Variants in SPAG16 observed in about 807,000 individuals in gnomAD.
SPAG16 encodes the protein sperm associated antigen 16, also known as sperm-associated antigen 16 protein.
A neutral mutation model predicts 80.4 loss-of-function variants in SPAG16; 86 were observed. That is an observed-to-expected ratio of 1.07 (90% CI 0.90 to 1.28). SPAG16 has a LOEUF of 1.28. Among genes scored for constraint, SPAG16 ranks in the 50% most tolerant of loss-of-function variants. The pLI is 0.00. For missense variants in SPAG16, 870 were observed against 765.3 expected (o/e 1.14, Z -1.61); for synonymous variants, 294 against 265.9 (o/e 1.11, Z -1.03).
At chr2:213,761,879 AAAAACAAAAAAAC>A (rs2068681707) in intron 10 of SPAG16, among the ~76,000 whole-genome samples, 2 of 111,086 alleles carry the variant, frequency 1.8e-5, no homozygotes, top group African/African-American at 2.9e-5. Context: ...AAACAAAAAT[AAAAACAAAAAAAC>A]AAAACAAAAA....
At chr2:213,558,754 A>G (rs538701483) in intron 10 of SPAG16, among the ~76,000 whole-genome samples, 1 of 152,118 alleles carries the variant, frequency 6.6e-6, no homozygotes, top group African/African-American at 2.4e-5. Context: ...TTACCTTTTT[A>G]TTATGGAAAA....
intron 10 of SPAG16, among the ~76,000 whole-genome samples, chr2:213,782,348 A>G (rs1217092017): frequency 1.3e-5 from 2 of 152,162 alleles, no homozygotes; most frequent in African/African-American, 4.8e-5. Flanking sequence ...GGAAATCTCA[A>G]AAAGAAACCA....
At chr2:213,298,083 A>G (rs2062583002) in intron 3 of SPAG16, among the ~76,000 whole-genome samples, 1 of 152,146 alleles carries the variant, frequency 6.6e-6, no homozygotes, top group South Asian at 2.1e-4. Flanking sequence ...ATATTATACC[A>G]TATCATTCTT....
At chr2:213,928,269 T>G (rs1440457523) in intron 11 of SPAG16, among the ~76,000 whole-genome samples, 1 of 151,240 alleles carries the variant, frequency 6.6e-6, no homozygotes, top group Non-Finnish European at 1.5e-5. Flanking sequence ...TTTTTTTGTA[T>G]TTTTAGTAGA....
At chr2:213,621,199 C>A (rs185876459) in intron 10 of SPAG16, among the ~76,000 whole-genome samples, 1 of 152,056 alleles carries the variant, frequency 6.6e-6, no homozygotes, top group East Asian at 1.9e-4. Flanking sequence ...TTTCAAAAAT[C>A]AAATTAATGA....
chr2:213,333,526 A>G (rs1457137092), intron 5 of SPAG16, among the ~76,000 whole-genome samples: 1 of 152,200 alleles, frequency 6.6e-6, no homozygotes, highest in African/African-American at 2.4e-5. Context: ...TAGAATCACA[A>G]AAGATCCAGA....
At chr2:213,804,319 C>A (rs562990628) in intron 10 of SPAG16, among the ~76,000 whole-genome samples, 33 of 152,240 alleles carry the variant, frequency 2.2e-4, no homozygotes, top group African/African-American at 7.5e-4. Flanking sequence ...GCAGAAGATT[C>A]TCTTAGGAAA....
chr2:213,402,578 C>T (rs2068375042), intron 9 of SPAG16, among the ~76,000 whole-genome samples: 1 of 150,458 alleles, frequency 6.6e-6, no homozygotes, highest in African/African-American at 2.4e-5. Context: ...CCTCCCCCCT[C>T]CCCACACCCC....
intron 9 of SPAG16, among the ~76,000 whole-genome samples, chr2:213,474,022 C>T (rs1300427735): frequency 6.6e-6 from 1 of 152,156 alleles, no homozygotes; most frequent in East Asian, 1.9e-4. Flanking sequence ...TTTATCTCCT[C>T]AGACAAAGGT....
At chr2:213,700,726 A>G (rs1016258976) in intron 10 of SPAG16, among the ~76,000 whole-genome samples, 1 of 152,248 alleles carries the variant, frequency 6.6e-6, no homozygotes, top group Non-Finnish European at 1.5e-5. Flanking sequence ...ATTCATTGAT[A>G]AGAATTCAAT....
intron 10 of SPAG16, among the ~76,000 whole-genome samples, chr2:213,733,628 T>C (rs2067157665): frequency 6.6e-6 from 1 of 151,984 alleles, no homozygotes; most frequent in African/African-American, 2.4e-5. Context: ...ATTTGGTTTC[T>C]AGTTAGTTTC....
chr2:213,843,696 C>A (rs55664424), intron 10 of SPAG16, among the ~76,000 whole-genome samples: 48,320 of 151,810 alleles, frequency 0.32, 7,864 homozygotes, highest in South Asian at 0.38. Flanking sequence ...ACTAAAAATA[C>A]AAAAATTAGC....
intron 9 of SPAG16, among the ~76,000 whole-genome samples, chr2:213,482,767 C>T (rs764551619): frequency 1.3e-5 from 2 of 151,970 alleles, no homozygotes; most frequent in Non-Finnish European, 2.9e-5. Flanking sequence ...AATTATGTAT[C>T]TAGGAACCAG....
chr2:213,833,473 A>AATAATATATATATTATAT (rs2073822247), intron 10 of SPAG16, among the ~76,000 whole-genome samples: 1 of 6,750 alleles, frequency 1.5e-4, no homozygotes, highest in African/African-American at 4.7e-4. Flanking sequence ...TATTATATAT[A>AATAATATATATATTATAT]ATAATATATA....
intron 14 of SPAG16, among the ~76,000 whole-genome samples, chr2:214,122,834 A>G (rs2054288119): frequency 6.6e-6 from 1 of 151,970 alleles, no homozygotes; most frequent in African/African-American, 2.4e-5. Context: ...GGTTCTGTCT[A>G]TCCAAGGAAA....
At chr2:213,477,526 G>C (rs909074250) in intron 9 of SPAG16, among the ~76,000 whole-genome samples, 1 of 152,198 alleles carries the variant, frequency 6.6e-6, no homozygotes, top group African/African-American at 2.4e-5. Context: ...TGTGAGACAT[G>C]GAGACAAAGG....
intron 9 of SPAG16, among the ~76,000 whole-genome samples, chr2:213,475,507 G>T (rs1458395813): frequency 6.6e-6 from 1 of 152,182 alleles, no homozygotes; most frequent in Non-Finnish European, 1.5e-5. Context: ...GCATGCCTTA[G>T]TCTCTCCCTT....
chr2:213,528,496 C>A (rs1366047240), intron 10 of SPAG16, among the ~76,000 whole-genome samples: 2 of 152,022 alleles, frequency 1.3e-5, no homozygotes, highest in African/African-American at 4.8e-5. Flanking sequence ...ACATTCTAAT[C>A]TTGAATGAAT....
intron 13 of SPAG16, among the ~76,000 whole-genome samples, chr2:214,023,162 C>T (rs2047964027): frequency 6.6e-6 from 1 of 151,898 alleles, no homozygotes; most frequent in African/African-American, 2.4e-5. Context: ...TAGGTAATCA[C>T]TTATGTTCAA....
Sources: allele counts gnomAD v4.1 joint callset (sites outside exome capture counted in the v4.1 genomes callset), GRCh38; gene constraint gnomAD v4.1.1; transcripts MANE v1.5; gene names NCBI Gene and HGNC (gene_info 2026-07-23, HGNC 2026-07-21).